WNT10A: variants seen among roughly 807,000 people sequenced by gnomAD.
WNT10A encodes protein Wnt-10a.
In WNT10A, 37 loss-of-function variants were observed where a neutral mutation model predicts 36.1. That is an observed-to-expected ratio of 1.02 (90% CI 0.79 to 1.35). The LOEUF is 1.35. WNT10A is among the 40% of genes most tolerant of loss of function. WNT10A has a pLI of 0.00. For missense variants in WNT10A, 613 were observed against 601.4 expected, an observed-to-expected ratio of 1.02 and a Z score of -0.20; for synonymous variants, 255 against 254.1, an observed-to-expected ratio of 1.00 and a Z score of -0.03.
chr2:218,880,655 A>G (rs762914440), upstream of WNT10A: 78 of 255,904 alleles, frequency 3.0e-4, no homozygotes, highest in Non-Finnish European at 2.1e-4. This position sits in a 1 kb window ranked among gnomAD's most constrained non-coding sequence, Gnocchi z 7.7. Context: ...CCGGCACCCC[A>G]GCCTCCCGTC....
intron 1 of WNT10A, among the ~76,000 whole-genome samples, chr2:218,881,872 C>G (rs974947096): frequency 2.4e-4 from 37 of 152,102 alleles, no homozygotes; most frequent in African/African-American, 8.9e-4. Context: ...GCATCTATTC[C>G]TGGGGATGTG....
At chr2:218,889,594 G>A (rs900452862) in intron 2 of WNT10A, among the ~76,000 whole-genome samples, 2 of 152,180 alleles carry the variant, frequency 1.3e-5, no homozygotes, top group South Asian at 4.1e-4. Flanking sequence ...CATTCTGTGG[G>A]CTTATTTTAA....
At position 218,893,152 on chromosome 2, in the gene WNT10A, C is replaced by T. The variant is rs1347556761; in HGVS notation, c.1135C>T (p.Arg379Cys). The change falls in exon 4 of 4, where the codon CGC becomes TGC. Residue 379 changes from arginine (R) to cysteine (C), a missense_variant. Physicochemically the swap from Arg to Cys is radical, Grantham distance 180. Transcript: ENST00000258411. This position sits in a 1 kb window ranked among gnomAD's most constrained non-coding sequence, Gnocchi z 6.3. ...TGGCTGCGGCAGCATGTGCTGCGGCCGCGGCCACAACATCCTGCGCCAGAC... is the reference window on the plus strand; with the variant it reads ...TGGCTGCGGCAGCATGTGCTGCGGCTGCGGCCACAACATCCTGCGCCAGAC... ...SDGCGSMCCG[R>C]GHNILRQTRS... is the part of the protein sequence containing the mutation. 1.9e-6 allele frequency: 3 copies of T among 1,589,864 alleles called. No homozygotes were observed. Among genetic ancestry groups the T allele is most frequent in the African/African-American group, 2.7e-5 (2 of 74,754 alleles).
intron 1 of WNT10A, among the ~76,000 whole-genome samples, chr2:218,881,820 A>G (rs987557577): frequency 6.6e-5 from 10 of 152,242 alleles, no homozygotes; most frequent in African/African-American, 2.2e-4. Context: ...TGACTGAAAC[A>G]TATCTGTGGG....
intron 2 of WNT10A, among the ~76,000 whole-genome samples, chr2:218,887,175 T>C (rs951536073): frequency 6.6e-6 from 1 of 152,166 alleles, no homozygotes; most frequent in African/African-American, 2.4e-5. Context: ...ATGCCAGACC[T>C]GGGAGCTGGG....
Position 218,890,106 on chromosome 2 carries a change from G to T in WNT10A, c.499G>T (p.Glu167Ter). Residue 167 changes from glutamate to a stop codon, truncating the protein, a stop_gained, in exon 3 of 4, where the codon GAG becomes TAG. Transcript: ENST00000258411. LOFTEE classifies it high-confidence loss of function. Reference protein sequence around the residue: ...CGCDASRRGDEEAFRRKLHRL... With the variant: ...CGCDASRRGD ...CTGTGATGCGTCCCGGCGAGGGGAC[G>T]AGGAGGCCTTCCGTAGGAAGCTGCA... The T allele has an allele frequency of 2.5e-6, 4 of 1,614,136 alleles. No homozygotes were observed. The highest frequency in any genetic ancestry group is 3.4e-6 in the Non-Finnish European group (4 of 1,180,030).
chr2:218,878,400 GT>G (rs928886309), upstream of WNT10A, among the ~76,000 whole-genome samples: 3 of 151,262 alleles, frequency 2.0e-5, no homozygotes, highest in South Asian at 2.1e-4. The surrounding 1 kb of genome is among the most constrained non-coding windows in gnomAD (Gnocchi z 4.1). Flanking sequence ...AGGCTTTTTT[GT>G]TTTTTTTTAA....
chr2:218,888,826 A>G (rs1296688071), intron 2 of WNT10A, among the ~76,000 whole-genome samples: 2 of 152,186 alleles, frequency 1.3e-5, no homozygotes, highest in Non-Finnish European at 2.9e-5. Flanking sequence ...TCTGCTGCCC[A>G]CTGACATCTC....
chr2:218,890,380 T>C lies in WNT10A; in HGVS notation c.756+17T>C, dbSNP rs1165736798. On this transcript the variant is annotated intron_variant, in intron 3 of 3. Transcript: ENST00000258411. ...GGGAGGCAGGTGAGAGCCCCACCCC[T>C]GGGTCTGCTTCAAATCTCTTTGCCT... 1 of 1,599,292 alleles carries C rather than the reference T, an allele frequency of 6.3e-7. No homozygotes were observed. The highest frequency in any genetic ancestry group is 2.2e-5 in the East Asian group (1 of 44,878).
chr2:218,885,216 G>A (rs1255870425), intron 2 of WNT10A, among the ~76,000 whole-genome samples: 1 of 152,208 alleles, frequency 6.6e-6, no homozygotes, highest in Non-Finnish European at 1.5e-5. Context: ...AATAGAGAGG[G>A]TCAGAAAAAG....
At chr2:218,890,661 G>A (rs1224634862) in intron 3 of WNT10A, among the ~76,000 whole-genome samples, 1 of 152,126 alleles carries the variant, frequency 6.6e-6, no homozygotes, top group African/African-American at 2.4e-5. Context: ...AAGGACAGGG[G>A]TGCAGTCAGG....
upstream of WNT10A, among the ~76,000 whole-genome samples, chr2:218,878,021 T>C (rs1240952495): frequency 4.6e-5 from 7 of 152,156 alleles, no homozygotes; most frequent in African/African-American, 1.7e-4. This position sits in a 1 kb window ranked among gnomAD's most constrained non-coding sequence, Gnocchi z 4.1. Context: ...CTGCCACAGC[T>C]GGAACCATTC....
chr2:218,891,588 G>A (rs566174315), intron 3 of WNT10A, among the ~76,000 whole-genome samples: 9 of 152,142 alleles, frequency 5.9e-5, no homozygotes, highest in East Asian at 5.8e-4. Context: ...AAGCCTCACC[G>A]CCATCCCAGC....
upstream of WNT10A, among the ~76,000 whole-genome samples, chr2:218,876,371 C>A (rs567377464): frequency 1.3e-5 from 2 of 152,192 alleles, no homozygotes; most frequent in South Asian, 2.1e-4. Context: ...ATGTGACAGA[C>A]CCTCACCGTG....
At position 218,890,227 on chromosome 2, in the gene WNT10A, A is replaced by G; in HGVS notation, c.620A>G (p.Asp207Gly). 1 of 1,613,684 alleles carries G rather than the reference A, an allele frequency of 6.2e-7. No homozygotes were observed. Among genetic ancestry groups the G allele is most frequent in the Admixed American group, 1.7e-5 (1 of 60,000 alleles). ...ALPTASPGLQ[D>G]SWEWGGCSPD... ...CCCACAGCCAGCCCAGGCCTGCAGG[A>G]CTCCTGGGAGTGGGGCGGCTGCAGC... The change falls in exon 3 of 4, where the codon GAC becomes GGC. Residue 207 changes from aspartate (D) to glycine (G), a missense_variant. By Grantham distance (94) the Asp-to-Gly change is moderately conservative (BLOSUM62 -1). Transcript: ENST00000258411.
At position 218,881,079 on chromosome 2, in the gene WNT10A, C is replaced by A; in HGVS notation, c.84C>A (p.Phe28Leu). Residue 28 changes from phenylalanine (F) to leucine (L), a missense_variant, in exon 1 of 4, where the codon TTC (phenylalanine) becomes TTA (leucine). Physicochemically the swap from Phe to Leu is conservative, Grantham distance 22 (BLOSUM62 0). Coordinates refer to ENST00000258411, the MANE Select transcript of WNT10A (RefSeq NM_025216.3). ...PRPALWVLLFFLLLLAAAMPR... is the reference protein window; with the variant it reads ...PRPALWVLLFLLLLLAAAMPR... ...CAGCGCTCTGGGTGCTCCTGTTCTT[C>A]CTACTGCTGCTGGCTGCTGCCATGC... 6.2e-7 allele frequency: 1 copy of A among 1,605,068 alleles called. No individual in the cohort carries two copies. The highest frequency in any genetic ancestry group is 8.5e-7 in the Non-Finnish European group (1 of 1,176,078).
chr2:218,875,513 G>T, the WNT10A span, among the ~76,000 whole-genome samples: 4 of 152,148 alleles, frequency 2.6e-5, no homozygotes. Context: ...AAAGGAAAGT[G>T]TACCAAACTT....
Position 218,893,340 on chromosome 2 carries a change from C to G in WNT10A, c.*69C>G. On this transcript the variant is annotated 3_prime_UTR_variant, in exon 4 of 4. Coordinates refer to ENST00000258411, the MANE Select transcript of WNT10A (RefSeq NM_025216.3). This position sits in a 1 kb window ranked among gnomAD's most constrained non-coding sequence, Gnocchi z 6.3. ...AGCCTGGCCCTCTGAGGCTTACGGTCTTGGCAAGGCAGCATCGCCTTGGCT... is the reference window on the plus strand; with the variant it reads ...AGCCTGGCCCTCTGAGGCTTACGGTGTTGGCAAGGCAGCATCGCCTTGGCT... 3 of 1,488,846 alleles carry G rather than the reference C, an allele frequency of 2.0e-6. No homozygotes were observed. In the South Asian group the frequency reaches 3.8e-5, roughly 19 times the overall value. The allele number at this position is 1,488,846 out of a possible 1,614,324, so 92.2% of individuals were successfully genotyped here.
upstream of WNT10A, among the ~76,000 whole-genome samples, chr2:218,879,951 G>C (rs1368620527): frequency 1.3e-5 from 2 of 152,140 alleles, no homozygotes; most frequent in African/African-American, 4.8e-5. Flanking sequence ...CTGCCTCCCC[G>C]GGCTCACTGA....
Sources: allele counts gnomAD v4.1 joint callset (sites outside exome capture counted in the v4.1 genomes callset), GRCh38; gene constraint gnomAD v4.1.1; non-coding constraint Gnocchi (gnomAD v3.1); transcripts MANE v1.5; gene names NCBI Gene and HGNC (gene_info 2026-07-23, HGNC 2026-07-21).